The following BLK variants were observed in gnomAD, a reference collection of about 807,000 sequenced individuals.
The protein encoded by BLK is tyrosine-protein kinase Blk.
A neutral mutation model predicts 61.8 loss-of-function variants in BLK; 64 were observed. That is an observed-to-expected ratio of 1.03 (90% CI 0.85 to 1.27). BLK has a LOEUF of 1.27. Ranked by LOEUF, BLK falls within the 50% of genes most tolerant of loss-of-function variation. BLK has a pLI of 0.00. For synonymous variants in BLK, 351 were observed against 272.0 expected (o/e 1.29, Z -2.86); for missense variants, 853 against 660.5 (o/e 1.29, Z -3.19).
intron 1 of BLK, among the ~76,000 whole-genome samples, chr8:11,498,238 G>C (rs539215549): frequency 1.3e-5 from 2 of 152,316 alleles, no homozygotes; most frequent in South Asian, 4.1e-4. Context: ...TCAAGTGCAG[G>C]AAAAGTTTGT....
chr8:11,543,505 G>T (rs1393324359), intron 2 of BLK, among the ~76,000 whole-genome samples, 158 bp downstream of exon 2: 1 of 152,204 alleles, frequency 6.6e-6, no homozygotes, highest in Non-Finnish European at 1.5e-5. Flanking sequence ...AACACGCACA[G>T]GACCCGGCCT....
intron 1 of BLK, among the ~76,000 whole-genome samples, chr8:11,527,098 C>G (rs183428838): frequency 7.4e-4 from 113 of 152,286 alleles, no homozygotes; most frequent in Non-Finnish European, 6.3e-4. Context: ...TGCATGCTCG[C>G]AAGGGGTCTT....
intron 1 of BLK, among the ~76,000 whole-genome samples, chr8:11,533,944 C>T (rs188559486): frequency 3.9e-5 from 6 of 152,338 alleles, no homozygotes; most frequent in South Asian, 2.1e-4. Context: ...GGGAATGCCC[C>T]GTGTTGGCGG....
chr8:11,510,094 T>C (rs1301564513), intron 1 of BLK, among the ~76,000 whole-genome samples: 1 of 152,202 alleles, frequency 6.6e-6, no homozygotes, highest in East Asian at 1.9e-4. Flanking sequence ...CAGGTGATGA[T>C]TGAAAAAATA....
chr8:11,520,183 T>C (rs902320847), intron 1 of BLK, among the ~76,000 whole-genome samples: 6 of 152,008 alleles, frequency 3.9e-5, no homozygotes, highest in Non-Finnish European at 8.8e-5. Flanking sequence ...AACTTAGCAT[T>C]AAGAACCACA....
intron 1 of BLK, among the ~76,000 whole-genome samples, chr8:11,497,590 G>A (rs2117228699): frequency 6.6e-6 from 1 of 152,330 alleles, no homozygotes; most frequent in South Asian, 2.1e-4. Context: ...CCAGCGCAGT[G>A]CCTGGCCCAC....
At chr8:11,502,936 C>A (rs940493792) in intron 1 of BLK, among the ~76,000 whole-genome samples, 5 of 152,226 alleles carry the variant, frequency 3.3e-5, no homozygotes, top group Non-Finnish European at 7.3e-5. Flanking sequence ...CCTACACCAG[C>A]TGCTGCCAGC....
At chr8:11,499,238 G>A (rs1380786342) in intron 1 of BLK, among the ~76,000 whole-genome samples, 1 of 152,240 alleles carries the variant, frequency 6.6e-6, no homozygotes, top group Non-Finnish European at 1.5e-5. Context: ...CGCAGGCTGT[G>A]TAGGTGTGTA....
intron 8 of BLK, chr8:11,556,069 G>C (rs1029461965): frequency 2.2e-5 from 5 of 227,574 alleles, no homozygotes; most frequent in African/African-American, 1.1e-4. Context: ...CCCTTACCTG[G>C]GGCTGATGCC....
chr8:11,549,624 C>A (rs541019516), intron 5 of BLK, among the ~76,000 whole-genome samples: 1 of 152,234 alleles, frequency 6.6e-6, no homozygotes, highest in Non-Finnish European at 1.5e-5. Flanking sequence ...AATCTGCTCA[C>A]AGGGACTAGC....
chr8:11,509,557 G>C (rs556693865), intron 1 of BLK: 1 of 152,204 alleles, frequency 6.6e-6, no homozygotes, highest in Non-Finnish European at 1.5e-5. Context: ...CAGTCTCCCA[G>C]CTCGGGTTCT....
rs534247585 is a variant in BLK, at chr8:11,540,877, C to T, written c.-1-2347C>T. Among the ~76,000 whole-genome samples the T allele has an allele frequency of 6.0e-5, 9 of 150,712 alleles. No individual in the cohort carries two copies. The South Asian group carries it at 1.7e-3, about 28-fold the overall frequency. Reference sequence around the variant, plus strand: ...AGATAGAAAAAAAAAAAAAAGAGAGCTCCTCAATATCTGTTACAAAGCCAG... The same window carrying T: ...AGATAGAAAAAAAAAAAAAAGAGAGTTCCTCAATATCTGTTACAAAGCCAG... On this transcript the variant is annotated intron_variant, in intron 1 of 12. Transcript: ENST00000259089.
At chr8:11,562,846 C>T in intron 11 of BLK, 133 bp from the exon 12 acceptor site, 2 of 1,273,986 alleles carry the variant, frequency 1.6e-6, no homozygotes, top group Non-Finnish European at 2.2e-6. Flanking sequence ...CCCGCCATGC[C>T]TGGCCGCCCC....
At chr8:11,535,266 AAGAAAGAAAG>A (rs1800072875) in intron 1 of BLK, among the ~76,000 whole-genome samples, 1 of 84,510 alleles carries the variant, frequency 1.2e-5, no homozygotes. Flanking sequence ...AGAAAGAAGA[AAGAAAGAAAG>A]AAAGAAAGAA....
intron 3 of BLK, among the ~76,000 whole-genome samples, chr8:11,546,829 GCCTCTCAAA>G (rs1160508786): frequency 6.6e-6 from 1 of 152,238 alleles, no homozygotes; most frequent in Admixed American, 6.5e-5. Context: ...GCCCGCCTCA[GCCTCTCAAA>G]GTGCTGGGAT....
chr8:11,543,624 TC>T lies in BLK; in HGVS notation c.123+279del, dbSNP rs373661505. Among the ~76,000 whole-genome samples, 45 of 152,214 alleles carry T rather than the reference TC, an allele frequency of 3.0e-4. 1 individual carries two copies. In the South Asian group the frequency reaches 8.5e-3, roughly 29 times the overall value. ...GGGGAGAGGGTGTCGTAAGGAAGGATCCGGGTATCTAGCTGCAGCTACTACC... is the reference window on the plus strand; with the variant it reads ...GGGGAGAGGGTGTCGTAAGGAAGGATCGGGTATCTAGCTGCAGCTACTACC... On this transcript the variant is annotated intron_variant, in intron 2 of 12. Coordinates refer to ENST00000259089, the MANE Select transcript of BLK (RefSeq NM_001715.3).
intron 1 of BLK, among the ~76,000 whole-genome samples, chr8:11,503,656 C>G (rs922636401): frequency 9.9e-5 from 15 of 152,270 alleles, no homozygotes; most frequent in Admixed American, 4.6e-4. Flanking sequence ...TCTTTCTTGG[C>G]AAGGTCTGAG....
At chr8:11,540,338 G>C (rs909385070) in intron 1 of BLK, among the ~76,000 whole-genome samples, 2 of 151,970 alleles carry the variant, frequency 1.3e-5, no homozygotes, top group East Asian at 3.8e-4. Context: ...CGCGATTCCT[G>C]TATTTACCAA....
rs149393791 is a variant in BLK, at chr8:11,548,079, C to T, written c.223C>T (p.Arg75Trp). Residue 75 changes from arginine (R) to tryptophan (W), a missense_variant, in exon 4 of 13, where the codon CGG becomes TGG. Coordinates refer to ENST00000259089, the MANE Select transcript of BLK (RefSeq NM_001715.3). ...ALYDYTAMNDRDLQMLKGEKL... is the reference protein window; with the variant it reads ...ALYDYTAMNDWDLQMLKGEKL... ...GTATGACTACACCGCTATGAATGAT[C>T]GGGACCTGCAGATGCTGAAGGGGGA... is the stretch of plus-strand genomic sequence containing the variant. The T allele has an allele frequency of 3.7e-6, 6 of 1,613,842 alleles. No homozygotes were observed. The highest frequency in any genetic ancestry group is 1.3e-5 in the African/African-American group (1 of 74,896).
Sources: gnomAD v4.1 joint callset for allele counts (sites outside exome capture counted in the v4.1 genomes callset) on GRCh38, gnomAD v4.1.1 for gene constraint, MANE v1.5 for transcripts, NCBI Gene and HGNC (gene_info 2026-07-23, HGNC 2026-07-21) for gene names.